SMAD3: variants seen among roughly 807,000 people sequenced by gnomAD.
The protein encoded by SMAD3 is MAD homolog 3.
In SMAD3, 12 loss-of-function variants were observed where a neutral mutation model predicts 51.8. That is an observed-to-expected ratio of 0.23 (90% CI 0.15 to 0.38). The LOEUF is 0.38. Ranked by LOEUF, SMAD3 falls within the 10% of genes least tolerant of loss-of-function variation. The pLI, the probability that SMAD3 is intolerant of heterozygous loss-of-function variation, is 1.00. For missense variants in SMAD3, 294 were observed against 565.6 expected (o/e 0.52, Z 4.87); for synonymous variants, 238 against 227.7 (o/e 1.05, Z -0.41).
In SMAD3 at chr15:67,194,904, C is replaced by T. The variant is rs1963463406; in HGVS notation, c.*4368C>T. 4 of 233,668 alleles carry T rather than the reference C, an allele frequency of 1.7e-5. No individual in the cohort carries two copies. The East Asian group carries it at 2.4e-4, about 14-fold the overall frequency. The allele number at this position is 233,668 out of a possible 1,614,324, so 14.5% of individuals were successfully genotyped here. A position where few individuals can be genotyped will look rare whatever the true frequency, so the allele number is the denominator to read the frequency against. On this transcript the variant is annotated 3_prime_UTR_variant, in exon 9 of 9. Coordinates refer to ENST00000327367, the MANE Select transcript of SMAD3 (RefSeq NM_005902.4). The stretch of plus-strand genomic sequence containing the variant: ...CACCTTCACTGCTGCTGTTGCAACT[C>T]GGCTGTTCTGGACTCTGATGTGTGT...
chr15:67,084,081 T>C (rs1232441297), intron 1 of SMAD3, among the ~76,000 whole-genome samples: 2 of 129,826 alleles, frequency 1.5e-5, no homozygotes, highest in African/African-American at 6.6e-5. Context: ...TTTTTTTTTT[T>C]TTTTTTTTTT....
intron 1 of SMAD3, among the ~76,000 whole-genome samples, chr15:67,079,960 C>T (rs928479154): frequency 2.0e-5 from 3 of 152,234 alleles, no homozygotes; most frequent in African/African-American, 4.8e-5. Flanking sequence ...TGAAGCTCTA[C>T]ACCTTCTAGA....
chr15:67,170,512 A>G, intron 4 of SMAD3, 42 bp from the exon 5 acceptor site: 1 of 1,581,084 alleles, frequency 6.3e-7, no homozygotes, highest in Non-Finnish European at 8.7e-7. Context: ...TCTCCAGGCC[A>G]AGAATCTTTT....
intron 1 of SMAD3, among the ~76,000 whole-genome samples, chr15:67,136,202 C>T (rs1167265661): frequency 2.0e-5 from 3 of 152,192 alleles, no homozygotes; most frequent in Admixed American, 1.3e-4. Context: ...AATTCATTGC[C>T]TTTGACTTAA....
At chr15:67,179,590 G>C (rs1380122386) in intron 5 of SMAD3, among the ~76,000 whole-genome samples, 4 of 152,122 alleles carry the variant, frequency 2.6e-5, no homozygotes, top group African/African-American at 9.7e-5. Flanking sequence ...TGTTCTCCTT[G>C]CTCTTAGAAA....
chr15:67,146,557 C>T (rs1961978932), intron 1 of SMAD3, among the ~76,000 whole-genome samples: 1 of 152,034 alleles, frequency 6.6e-6, no homozygotes, highest in South Asian at 2.1e-4. Flanking sequence ...AATGTGTGTT[C>T]GGGGATGGGG....
chr15:67,073,203 A>G (rs1960094763), intron 1 of SMAD3, among the ~76,000 whole-genome samples: 1 of 152,198 alleles, frequency 6.6e-6, no homozygotes, highest in Non-Finnish European at 1.5e-5. Context: ...TTCTCTCTGT[A>G]TAACATAATC....
intron 1 of SMAD3, among the ~76,000 whole-genome samples, chr15:67,074,408 A>G (rs994983872): frequency 1.1e-4 from 16 of 152,254 alleles, no homozygotes; most frequent in South Asian, 2.1e-4. Flanking sequence ...TCATATGTCA[A>G]AGTTTACCCA....
chr15:67,183,241 A>C (rs1358703157), intron 6 of SMAD3, among the ~76,000 whole-genome samples: 1 of 151,200 alleles, frequency 6.6e-6, no homozygotes, highest in East Asian at 2.0e-4. Context: ...ATGGGGATTC[A>C]CCACGTTGGC....
At chr15:67,141,940 G>A (rs748436580) in intron 1 of SMAD3, among the ~76,000 whole-genome samples, 68 of 152,276 alleles carry the variant, frequency 4.5e-4, no homozygotes, top group Non-Finnish European at 7.9e-4. Flanking sequence ...CTCTAATGCT[G>A]TGAGGTGTCA....
At chr15:67,070,002 C>T (rs546333148) in intron 1 of SMAD3, among the ~76,000 whole-genome samples, 1 of 152,256 alleles carries the variant, frequency 6.6e-6, no homozygotes, top group South Asian at 2.1e-4. Flanking sequence ...CCGCGCCTCA[C>T]CGAATCTGAT....
In SMAD3 at chr15:67,066,316, C is replaced by T. The variant is rs1959915142; in HGVS notation, c.162C>T (p.Ala54=). The part of the protein sequence containing the change: ...KTGQLDELEK[A]ITTQNVNTKC... The stretch of plus-strand genomic sequence containing the variant: ...GGCAGCTGGACGAGCTGGAGAAGGC[C>T]ATCACCACGCAGAACGTCAACACCA... Residue 54 remains alanine, a synonymous_variant, in exon 1 of 9, where the codon GCC becomes GCT. Coordinates refer to ENST00000327367, the MANE Select transcript of SMAD3 (RefSeq NM_005902.4). 6.2e-7 allele frequency: 1 copy of T among 1,613,514 alleles called. No individual in the cohort carries two copies. Among genetic ancestry groups the T allele is most frequent in the African/African-American group, 1.3e-5 (1 of 74,888 alleles).
At chr15:67,187,046 C>T in intron 7 of SMAD3, 1 of 524,940 alleles carries the variant, frequency 1.9e-6, no homozygotes, top group Non-Finnish European at 3.7e-6. Flanking sequence ...CACACCATCT[C>T]CCTATTTTTG....
chr15:67,170,919 C>T (rs1212973260), intron 5 of SMAD3, among the ~76,000 whole-genome samples: 3 of 152,242 alleles, frequency 2.0e-5, no homozygotes, highest in Non-Finnish European at 4.4e-5. Context: ...GCTAAGCATA[C>T]GTGTGCAGTT....
At chr15:67,186,716 A>G in intron 7 of SMAD3, 1 of 190,444 alleles carries the variant, frequency 5.3e-6, no homozygotes, top group Non-Finnish European at 1.1e-5. Flanking sequence ...TTAGCTGTGA[A>G]TGTCACCTCC....
chr15:67,107,404 G>A (rs953991403), intron 1 of SMAD3, among the ~76,000 whole-genome samples: 1 of 152,166 alleles, frequency 6.6e-6, no homozygotes, highest in South Asian at 2.1e-4. Context: ...TCTTCCCAGG[G>A]TGAGATTTCT....
intron 1 of SMAD3, among the ~76,000 whole-genome samples, chr15:67,095,808 A>G (rs946439710): frequency 3.9e-5 from 6 of 152,238 alleles, no homozygotes; most frequent in African/African-American, 1.2e-4. Context: ...CTGGGATTAC[A>G]GGTGTAAACC....
intron 1 of SMAD3, among the ~76,000 whole-genome samples, chr15:67,102,247 A>AGTGTGTGTGT (rs56983970): frequency 0.015 from 2,204 of 149,150 alleles, 25 homozygotes; most frequent in Non-Finnish European, 0.021. Context: ...ATGCTGTGAA[A>AGTGTGTGTGT]GTGTGTGTGT....
intron 1 of SMAD3, among the ~76,000 whole-genome samples, chr15:67,119,962 A>G (rs1218644099): frequency 1.3e-5 from 2 of 152,088 alleles, no homozygotes; most frequent in Non-Finnish European, 1.5e-5. Context: ...ACGCCTGGCT[A>G]TTTTTTGTAT....
Sources: allele counts gnomAD v4.1 joint callset (sites outside exome capture counted in the v4.1 genomes callset), GRCh38; gene constraint gnomAD v4.1.1; transcripts MANE v1.5; gene names NCBI Gene and HGNC (gene_info 2026-07-23, HGNC 2026-07-21).